Variants in NINL observed in about 807,000 individuals in gnomAD.
NINL encodes ninein like, also known as ninein-like protein.
Under a neutral mutation model 160.3 loss-of-function variants are expected in NINL, and 153 were observed. The ratio of observed to expected loss-of-function variants is 0.95; its 90% CI spans 0.84 to 1.09. The LOEUF (loss-of-function observed/expected upper bound fraction) is 1.09. NINL is among the 50% of genes least tolerant of loss of function. The probability of loss-of-function intolerance (pLI) is 0.00; values close to 1 mark genes in which losing one functional copy is unlikely to be tolerated. For synonymous variants in NINL, 800 were observed against 734.8 expected (o/e 1.09, Z -1.43); for missense variants, 1,829 against 1,764.0 (o/e 1.04, Z -0.66).
At chr20:25,475,334 A>G (rs1252058316) in intron 17 of NINL, among the ~76,000 whole-genome samples, 1 of 152,140 alleles carries the variant, frequency 6.6e-6, no homozygotes, top group East Asian at 1.9e-4. Flanking sequence ...ACCACTTAAA[A>G]AAGAACTTCC....
chr20:25,454,813 AC>A (rs1321451584), intron 23 of NINL, among the ~76,000 whole-genome samples: 1 of 152,106 alleles, frequency 6.6e-6, no homozygotes, highest in Non-Finnish European at 1.5e-5. Context: ...ACATCTACAG[AC>A]CAGGTGAGTT....
At chr20:25,508,316 C>T (rs574527063) in intron 5 of NINL, among the ~76,000 whole-genome samples, 221 of 152,342 alleles carry the variant, frequency 1.5e-3, no homozygotes, top group Non-Finnish European at 2.3e-3. Flanking sequence ...CCCACGTAAC[C>T]GCCTGTGTGG....
chr20:25,459,980 T>A (rs1042487146), intron 21 of NINL, among the ~76,000 whole-genome samples: 1 of 152,090 alleles, frequency 6.6e-6, no homozygotes, highest in African/African-American at 2.4e-5. Context: ...TCATCTCCCA[T>A]CCTGAGTGCA....
Position 25,480,879 on chromosome 20 carries a change from G to T in NINL, c.1811-612C>A, listed in dbSNP as rs897892045. Among the ~76,000 whole-genome samples the T allele has an allele frequency of 2.0e-5, 3 of 152,168 alleles. No homozygotes were observed. In the South Asian group the frequency reaches 6.2e-4, roughly 31 times the overall value. On this transcript the variant is annotated intron_variant, in intron 14 of 23. Coordinates refer to ENST00000278886, the MANE Select transcript of NINL (RefSeq NM_025176.6). ...GCTACGGACCCACAGGCACCACCCT[G>T]GGTGCAGGCAATCCTGGATATGTGC...
intron 1 of NINL, among the ~76,000 whole-genome samples, chr20:25,551,219 A>G (rs2064804277): frequency 6.6e-6 from 1 of 152,252 alleles, no homozygotes; most frequent in South Asian, 2.1e-4. Flanking sequence ...TTACAGATTA[A>G]CAGCATCTCA....
intron 1 of NINL, among the ~76,000 whole-genome samples, chr20:25,528,150 C>T (rs959906144): frequency 1.3e-5 from 2 of 152,150 alleles, no homozygotes; most frequent in Non-Finnish European, 2.9e-5. Flanking sequence ...TTGCCTCAGC[C>T]TCTCAAGTAG....
intron 1 of NINL, among the ~76,000 whole-genome samples, chr20:25,553,104 G>GTTTTT (rs3036846): frequency 0.18 from 18,249 of 99,428 alleles, 2,218 homozygotes; most frequent in East Asian, 0.29. Flanking sequence ...CCCTTGTTGG[G>GTTTTT]TTTTTTTTTT....
intron 1 of NINL, among the ~76,000 whole-genome samples, chr20:25,573,773 A>G (rs1299208137): frequency 6.6e-6 from 1 of 152,222 alleles, no homozygotes; most frequent in Non-Finnish European, 1.5e-5. Context: ...TGAGTCAACT[A>G]AAAAGACTTT....
At chr20:25,509,512 C>T (rs1468696919) in intron 5 of NINL, among the ~76,000 whole-genome samples, 1 of 152,218 alleles carries the variant, frequency 6.6e-6, no homozygotes, top group Non-Finnish European at 1.5e-5. Context: ...TTCCCAAGCT[C>T]GGCAAGACCT....
chr20:25,458,097 A>C (rs922571732), intron 22 of NINL, among the ~76,000 whole-genome samples: 2 of 152,028 alleles, frequency 1.3e-5, no homozygotes, highest in African/African-American at 4.8e-5. Context: ...GAACATGCCA[A>C]ATACCCCCTA....
intron 1 of NINL, among the ~76,000 whole-genome samples, chr20:25,534,627 G>A (rs2064525172): frequency 6.6e-6 from 1 of 152,184 alleles, no homozygotes; most frequent in African/African-American, 2.4e-5. Context: ...CAGAACTAGA[G>A]TATTGTAATC....
rs755723453 is a variant in NINL at position 25,480,252 on chromosome 20, C to G, written c.1826G>C (p.Gly609Ala). ...GLGPAGISFL[G>A]NSAPVSIETE... ...TTCTATACTCACTGGAGCAGAATTA[C>G]CCAGGAATGAAATGCCTGCAAACAA... is the stretch of plus-strand genomic sequence containing the variant. The change falls in exon 15 of 24, where the codon GGT becomes GCT. Residue 609 changes from glycine (G) to alanine (A), a missense_variant. Gly to Ala is a moderately conservative substitution (Grantham distance 60, BLOSUM62 0). Coordinates refer to ENST00000278886, the MANE Select transcript of NINL (RefSeq NM_025176.6). The G allele has an allele frequency of 1.9e-6, 3 of 1,613,938 alleles. No individual in the cohort carries two copies. The highest frequency in any genetic ancestry group is 2.5e-6 in the Non-Finnish European group (3 of 1,179,920).
rs375478753 is a variant in NINL at position 25,458,534 on chromosome 20, A to G, written c.3697-5T>C. ...CCTCAGGTGAGCTCCCTGCACCTGC[A>G]TGGGGAAGGGGAGACAGCTCTGGTG... On this transcript the variant is annotated splice_polypyrimidine_tract_variant and splice_region_variant and intron_variant, in intron 21 of 23. Transcript: ENST00000278886. 2 of 1,587,126 alleles carry G rather than the reference A, an allele frequency of 1.3e-6. No homozygotes were observed. Among genetic ancestry groups the G allele is most frequent in the African/African-American group, 1.3e-5 (1 of 74,720 alleles).
At chr20:25,553,616 C>T (rs1469806346) in intron 1 of NINL, among the ~76,000 whole-genome samples, 1 of 152,156 alleles carries the variant, frequency 6.6e-6, no homozygotes, top group African/African-American at 2.4e-5. Context: ...ACAAGTAAAG[C>T]CCATATAAAA....
At position 25,540,193 on chromosome 20, in the gene NINL, C is replaced by CAA. The variant is rs371818352; in HGVS notation, c.-11-13596_-11-13595insTT. 1.1e-4 allele frequency: 47 copies of CAA among 430,142 alleles called. 1 individual carries two copies. Among genetic ancestry groups the CAA allele is most frequent in the Non-Finnish European group, 1.8e-4 (40 of 225,556 alleles). The allele number at this position is 430,142 out of a possible 1,614,324, so 26.6% of individuals were successfully genotyped here. A position where few individuals can be genotyped will look rare whatever the true frequency, so the allele number is the denominator to read the frequency against. On this transcript the variant is annotated intron_variant, in intron 1 of 23. Coordinates refer to ENST00000278886, the MANE Select transcript of NINL (RefSeq NM_025176.6). Reference sequence around the variant, plus strand: ...GGGCAATATTCCAGATAAAAAGCAACAGTTTCTCTTAGTTTCATTTTTGGA... The same window carrying CAA: ...GGGCAATATTCCAGATAAAAAGCAACAAAGTTTCTCTTAGTTTCATTTTTGGA...
intron 1 of NINL, among the ~76,000 whole-genome samples, chr20:25,540,825 C>T (rs371387057): frequency 6.6e-6 from 1 of 152,160 alleles, no homozygotes. Context: ...GATTAACTTC[C>T]GCTTTAAGTG....
At chr20:25,555,196 G>T (rs1463222054) in intron 1 of NINL, among the ~76,000 whole-genome samples, 1 of 152,150 alleles carries the variant, frequency 6.6e-6, no homozygotes, top group African/African-American at 2.4e-5. Flanking sequence ...GCTTGGTGGA[G>T]CCTGGACATC....
At chr20:25,561,893 A>G (rs1229045965) in intron 1 of NINL, among the ~76,000 whole-genome samples, 5 of 145,634 alleles carry the variant, frequency 3.4e-5, no homozygotes, top group Non-Finnish European at 6.0e-5. Context: ...CCCCGTCCGG[A>G]AGGGAGGTGG....
At chr20:25,537,752 TCGTG>T (rs2064585265) in intron 1 of NINL, among the ~76,000 whole-genome samples, 2 of 152,100 alleles carry the variant, frequency 1.3e-5, no homozygotes, top group South Asian at 2.1e-4. Flanking sequence ...TAAACGAGCT[TCGTG>T]CCTTCACTGT....
Sources: gnomAD v4.1 joint callset for allele counts (sites outside exome capture counted in the v4.1 genomes callset) on GRCh38, gnomAD v4.1.1 for gene constraint, MANE v1.5 for transcripts, NCBI Gene and HGNC (gene_info 2026-07-23, HGNC 2026-07-21) for gene names.